The following ZNF385D variants were observed in gnomAD, a reference collection of about 807,000 sequenced individuals.
The protein encoded by ZNF385D is zinc finger protein 385D, also known as zinc finger protein 659.
In ZNF385D, 15 loss-of-function variants were observed where a neutral mutation model predicts 35.8. The ratio of observed to expected loss-of-function variants is 0.42; its 90% CI spans 0.28 to 0.64. The LOEUF (loss-of-function observed/expected upper bound fraction) is 0.64. Among genes scored for constraint, ZNF385D ranks in the 30% least tolerant of loss-of-function variants. The pLI, the probability that ZNF385D is intolerant of heterozygous loss-of-function variation, is 0.23. For synonymous variants in ZNF385D, 212 were observed against 186.8 expected, an observed-to-expected ratio of 1.13 and a Z score of -1.10; for missense variants, 474 against 494.6, an observed-to-expected ratio of 0.96 and a Z score of 0.39.
chr3:21,556,174 C>A (rs1244910741), intron 3 of ZNF385D, among the ~76,000 whole-genome samples: 1 of 146,594 alleles, frequency 6.8e-6, no homozygotes, highest in African/African-American at 2.5e-5. Context: ...CTGTAGGTTG[C>A]CTGTTCACTC....
intron 2 of ZNF385D, among the ~76,000 whole-genome samples, chr3:21,606,804 T>C (rs2064498219): frequency 6.6e-6 from 1 of 152,198 alleles, no homozygotes; most frequent in African/African-American, 2.4e-5. Context: ...GTAATTAGGA[T>C]TTAACCTCCA....
At chr3:22,366,839 C>A (rs142522969) in intron 2 of ZNF385D, among the ~76,000 whole-genome samples, 6 of 152,006 alleles carry the variant, frequency 3.9e-5, no homozygotes, top group African/African-American at 1.2e-4. Context: ...AAAAGAGAAA[C>A]AAAGAGAGAT....
chr3:21,663,726 C>T (rs2066305035), intron 2 of ZNF385D, among the ~76,000 whole-genome samples: 1 of 151,018 alleles, frequency 6.6e-6, no homozygotes, highest in Admixed American at 6.6e-5. Flanking sequence ...ATTCCTCTCC[C>T]TACAAAAAGC....
Position 22,341,855 on chromosome 3 carries a change from T to C in ZNF385D, c.106+30595A>G, listed in dbSNP as rs1041169873. Among the ~76,000 whole-genome samples, 4 of 152,226 alleles carry C rather than the reference T, an allele frequency of 2.6e-5. No homozygotes were observed. In the South Asian group the frequency reaches 6.2e-4, roughly 24 times the overall value. ...AATACTATTTCTTGTAAATAACTTA[T>C]ATTAATGCCAGGCACATAGTAGGTG... is the stretch of plus-strand genomic sequence containing the variant. On this transcript the variant is annotated intron_variant, in intron 2 of 5. Coordinates refer to the ZNF385D transcript ENST00000494108.
chr3:21,934,903 A>G (rs1218987627), intron 3 of ZNF385D, among the ~76,000 whole-genome samples: 1 of 152,184 alleles, frequency 6.6e-6, no homozygotes, highest in Non-Finnish European at 1.5e-5. Flanking sequence ...TCTCATCTCC[A>G]CTTAAACATA....
chr3:21,980,761 T>C (rs1346993665), intron 3 of ZNF385D, among the ~76,000 whole-genome samples: 2 of 152,126 alleles, frequency 1.3e-5, no homozygotes, highest in Non-Finnish European at 2.9e-5. Flanking sequence ...GTTTCCTTCT[T>C]TGTGTTCATA....
Position 22,013,283 on chromosome 3 carries a change from A to C in ZNF385D, c.325+155534T>G, listed in dbSNP as rs142492347. Among the ~76,000 whole-genome samples the C allele has an allele frequency of 9.2e-3, 1,396 of 152,284 alleles. 21 individuals are homozygous for C. The highest frequency in any genetic ancestry group is 0.031 in the African/African-American group (1,303 of 41,572). On this transcript the variant is annotated intron_variant, in intron 3 of 5. Transcript: ENST00000494108. ...TAAAAATGTAATAATAGTCCAGGTT[A>C]TTATACATAGTATATATATAAATTC...
chr3:21,669,923 A>G (rs1320223552), intron 1 of ZNF385D, among the ~76,000 whole-genome samples: 1 of 149,582 alleles, frequency 6.7e-6, no homozygotes, highest in Non-Finnish European at 1.5e-5. Context: ...TTTTCTCTCC[A>G]TAATACAACG....
intron 3 of ZNF385D, among the ~76,000 whole-genome samples, chr3:21,759,001 A>C (rs73822053): frequency 2.7e-3 from 354 of 133,182 alleles, no homozygotes; most frequent in African/African-American, 4.2e-3. Flanking sequence ...AAAAAAAAAA[A>C]AAAAACAGTG....
chr3:22,048,104 T>C (rs539857109), intron 3 of ZNF385D, among the ~76,000 whole-genome samples: 9 of 152,276 alleles, frequency 5.9e-5, no homozygotes, highest in Admixed American at 2.0e-4. Flanking sequence ...TTACTTACTA[T>C]TGAATTGAGT....
chr3:21,522,563 C>G (rs536362502), intron 3 of ZNF385D, among the ~76,000 whole-genome samples: 1 of 152,160 alleles, frequency 6.6e-6, no homozygotes, highest in South Asian at 2.1e-4. Context: ...TGGTCTCAAA[C>G]TCCTGACCTT....
At chr3:21,867,522 A>G (rs1697434427) in intron 3 of ZNF385D, among the ~76,000 whole-genome samples, 1 of 152,112 alleles carries the variant, frequency 6.6e-6, no homozygotes, top group Non-Finnish European at 1.5e-5. Flanking sequence ...AATCATGAAA[A>G]TCATCTGTCT....
intron 3 of ZNF385D, among the ~76,000 whole-genome samples, chr3:22,043,246 T>C (rs960777019): frequency 6.6e-6 from 1 of 152,150 alleles, no homozygotes; most frequent in African/African-American, 2.4e-5. Context: ...ATAAAAGAAA[T>C]CTTGCTAATT....
chr3:21,574,203 G>A (rs1264824871), intron 2 of ZNF385D, among the ~76,000 whole-genome samples: 4 of 152,080 alleles, frequency 2.6e-5, no homozygotes, highest in Non-Finnish European at 5.9e-5. Context: ...CTATGAGGAA[G>A]TCTTGACAAA....
At chr3:21,519,127 AG>A (rs1444894668) in intron 3 of ZNF385D, among the ~76,000 whole-genome samples, 2 of 152,054 alleles carry the variant, frequency 1.3e-5, no homozygotes, top group African/African-American at 4.8e-5. Flanking sequence ...ATAGAAAAAA[AG>A]GGGGGGAAAG....
chr3:21,512,712 G>C (rs1442102589), intron 3 of ZNF385D, among the ~76,000 whole-genome samples: 2 of 152,182 alleles, frequency 1.3e-5, no homozygotes, highest in Non-Finnish European at 2.9e-5. Flanking sequence ...AGTTAATTGA[G>C]GAACCAGCGA....
chr3:22,173,441 C>G (rs1472667127), intron 2 of ZNF385D, among the ~76,000 whole-genome samples: 1 of 152,126 alleles, frequency 6.6e-6, no homozygotes, highest in Admixed American at 6.6e-5. Flanking sequence ...GGCAACTTTT[C>G]TGCAACTCTA....
At chr3:22,281,092 C>A (rs533255388) in intron 2 of ZNF385D, among the ~76,000 whole-genome samples, 1 of 151,802 alleles carries the variant, frequency 6.6e-6, no homozygotes, top group Non-Finnish European at 1.5e-5. Context: ...TTTTGTACCC[C>A]AAAACTTTAC....
intron 3 of ZNF385D, among the ~76,000 whole-genome samples, chr3:22,047,515 T>C (rs1699076221): frequency 6.6e-6 from 1 of 152,162 alleles, no homozygotes; most frequent in Non-Finnish European, 1.5e-5. Flanking sequence ...TTTCTGTGCC[T>C]GTCTTATTTC....
Sources: allele counts gnomAD v4.1 joint callset (sites outside exome capture counted in the v4.1 genomes callset), GRCh38; gene constraint gnomAD v4.1.1; transcripts MANE v1.5; gene names NCBI Gene and HGNC (gene_info 2026-07-23, HGNC 2026-07-21).